Variants in YTHDC2 observed in about 807,000 individuals in gnomAD.
YTHDC2 encodes 3'-5' RNA helicase YTHDC2.
Under a neutral mutation model 174.9 loss-of-function variants are expected in YTHDC2, and 45 were observed. The observed-to-expected ratio is 0.26, with a 90% CI of 0.20 to 0.33. YTHDC2 has a LOEUF of 0.33. YTHDC2 is among the 10% of genes least tolerant of loss of function. The pLI, the probability that YTHDC2 is intolerant of heterozygous loss-of-function variation, is 1.00. For synonymous variants in YTHDC2, 657 were observed against 574.5 expected, an observed-to-expected ratio of 1.14 and a Z score of -2.05; for missense variants, 1,650 against 1,723.7, an observed-to-expected ratio of 0.96 and a Z score of 0.76.
intron 19 of YTHDC2, 23 bp from the exon 20 acceptor site, chr5:113,563,836 C>T: frequency 6.2e-7 from 1 of 1,612,998 alleles, no homozygotes; most frequent in Non-Finnish European, 8.5e-7. Context: ...ACATCAAAGT[C>T]TGTTCTGTCT....
intron 4 of YTHDC2, among the ~76,000 whole-genome samples, chr5:113,527,822 T>TCA (rs1359395166): frequency 2.6e-5 from 4 of 152,160 alleles, no homozygotes; most frequent in Non-Finnish European, 5.9e-5. Flanking sequence ...CAAGTCTCTG[T>TCA]CTGTCACCCA....
intron 23 of YTHDC2, among the ~76,000 whole-genome samples, chr5:113,572,286 AAT>A (rs1777775363): frequency 6.6e-6 from 1 of 152,216 alleles, no homozygotes; most frequent in South Asian, 2.1e-4. Flanking sequence ...GTATTGAGTG[AAT>A]GTCTTAGTCT....
At chr5:113,562,005 G>A (rs1212140492) in intron 18 of YTHDC2, among the ~76,000 whole-genome samples, 1 of 98,966 alleles carries the variant, frequency 1.0e-5, no homozygotes, top group Admixed American at 1.2e-4. Flanking sequence ...TGTGTTTTAA[G>A]TTTTCTAACT....
chr5:113,577,921 C>A (rs531793916), intron 23 of YTHDC2, among the ~76,000 whole-genome samples: 2 of 151,824 alleles, frequency 1.3e-5, no homozygotes, highest in Non-Finnish European at 2.9e-5. Context: ...TTTTATGTAC[C>A]TTGTTACTTT....
In YTHDC2 at chr5:113,594,654, G is replaced by A. The variant is rs2112837268; in HGVS notation, c.*1180G>A. 6.6e-6 allele frequency: 1 copy of A among 152,132 alleles called. No homozygotes were observed. Among genetic ancestry groups the A allele is most frequent in the African/African-American group, 2.4e-5 (1 of 41,512 alleles). 9.4% of individuals were successfully genotyped at this position (152,132 alleles called of 1,614,324 possible). A position where few individuals can be genotyped will look rare whatever the true frequency, so the allele number is the denominator to read the frequency against. ...AGAGACTTTTTGAAGGGAAAATAGA[G>A]CAACAGGGAAAAATGAAAGAAATGT... On this transcript the variant is annotated 3_prime_UTR_variant, in exon 30 of 30. Coordinates refer to ENST00000161863, the MANE Select transcript of YTHDC2 (RefSeq NM_022828.5).
intron 10 of YTHDC2, among the ~76,000 whole-genome samples, chr5:113,546,234 T>C (rs542274836): frequency 6.6e-6 from 1 of 152,218 alleles, no homozygotes; most frequent in Non-Finnish European, 1.5e-5. Flanking sequence ...GCATTTTAAG[T>C]ATTTAAGTAT....
chr5:113,524,821 A>G (rs913982586), intron 2 of YTHDC2, among the ~76,000 whole-genome samples, 160 bp from the exon 3 acceptor site: 2 of 152,104 alleles, frequency 1.3e-5, no homozygotes, highest in African/African-American at 4.8e-5. Flanking sequence ...TTTAGCCCAA[A>G]TCTTTCTTTA....
chr5:113,538,720 C>A (rs1026536388), intron 7 of YTHDC2, among the ~76,000 whole-genome samples: 2 of 152,100 alleles, frequency 1.3e-5, no homozygotes, highest in Non-Finnish European at 2.9e-5. Flanking sequence ...TATTTACCTT[C>A]ATATTCTGGA....
intron 10 of YTHDC2, 23 bp from the exon 11 acceptor site, chr5:113,548,518 T>C: frequency 6.4e-7 from 1 of 1,571,392 alleles, no homozygotes; most frequent in Non-Finnish European, 8.6e-7. Flanking sequence ...ATTTAAGTTT[T>C]ATTTATCTTT....
intron 20 of YTHDC2, among the ~76,000 whole-genome samples, chr5:113,564,429 G>A (rs1156880765): frequency 6.6e-6 from 1 of 152,004 alleles, no homozygotes; most frequent in Non-Finnish European, 1.5e-5. Context: ...CTTGGGCAAG[G>A]AATGTTCTAA....
chr5:113,525,815 A>G (rs926268551), intron 3 of YTHDC2, among the ~76,000 whole-genome samples: 1 of 152,174 alleles, frequency 6.6e-6, no homozygotes, highest in African/African-American at 2.4e-5. Context: ...TATAGTGATA[A>G]AATTTACATA....
Position 113,581,546 on chromosome 5 carries a change from A to C in YTHDC2, c.3484A>C (p.Thr1162Pro). ...AAGAGCAATTATAGCTGTTTTAAGCACTGAAGAACAGTCTGCAGGTTTACA... is the reference window on the plus strand; with the variant it reads ...AAGAGCAATTATAGCTGTTTTAAGCCCTGAAGAACAGTCTGCAGGTTTACA... ...TIRAIIAVLS[T>P]EEQSAGLQQP... Residue 1162 changes from threonine (T) to proline (P), a missense_variant, in exon 25 of 30, where the codon ACT (threonine) becomes CCT (proline). By Grantham distance (38) the Thr-to-Pro change is conservative (BLOSUM62 -1). Around this residue, in one of 5 missense-constraint regions of YTHDC2, gnomAD observed 913 missense variants for 940.4 expected, o/e 0.97. Coordinates refer to ENST00000161863, the MANE Select transcript of YTHDC2 (RefSeq NM_022828.5). 6.2e-7 allele frequency: 1 copy of C among 1,614,012 alleles called. No individual in the cohort carries two copies. Among genetic ancestry groups the C allele is most frequent in the East Asian group, 2.2e-5 (1 of 44,852 alleles).
intron 26 of YTHDC2, among the ~76,000 whole-genome samples, chr5:113,589,947 T>G (rs897476930): frequency 6.6e-6 from 1 of 152,196 alleles, no homozygotes; most frequent in Non-Finnish European, 1.5e-5. Flanking sequence ...TGTTATCCAG[T>G]GCTTTGTCTG....
chr5:113,513,931 G>C lies in YTHDC2; in HGVS notation c.36G>C (p.Pro12=). 1 of 1,605,604 alleles carries C rather than the reference G, an allele frequency of 6.2e-7. No homozygotes were observed. Among genetic ancestry groups the C allele is most frequent in the Non-Finnish European group, 8.5e-7 (1 of 1,176,668 alleles). Reference sequence around the variant, plus strand: ...CGAGCAGCGTCTCCCCGCGGCAGCCGGCTCCTGGCGGTGGCGGAGGCGGCG... The same window carrying C: ...CGAGCAGCGTCTCCCCGCGGCAGCCCGCTCCTGGCGGTGGCGGAGGCGGCG... ...SRPSSVSPRQ[P]APGGGGGGGP... Residue 12 remains proline, a synonymous_variant, in exon 1 of 30, where the codon CCG becomes CCC. Transcript: ENST00000161863.
At position 113,561,354 on chromosome 5, in the gene YTHDC2, AAATTT is replaced by A. The variant is rs1450387819; in HGVS notation, c.2322+174_2322+178del. On this transcript the variant is annotated intron_variant, in intron 18 of 29. Coordinates refer to ENST00000161863, the MANE Select transcript of YTHDC2 (RefSeq NM_022828.5). ...TAACAAATATTTTTTCTATATAAGA[AAATTT>A]AATTCATAAACCATCAAAATTTTAA... Among the ~76,000 whole-genome samples, 42 of 152,178 alleles carry A rather than the reference AAATTT, an allele frequency of 2.8e-4. 1 individual carries two copies. Among genetic ancestry groups the A allele is most frequent in the African/African-American group, 9.6e-4 (40 of 41,536 alleles).
Position 113,581,540 on chromosome 5 carries a change from T to G in YTHDC2, c.3478T>G (p.Leu1160Val), listed in dbSNP as rs1245271291. 2.5e-6 allele frequency: 4 copies of G among 1,614,044 alleles called. No homozygotes were observed. The highest frequency in any genetic ancestry group is 2.5e-6 in the Non-Finnish European group (3 of 1,179,904). ...TACCATAAGAGCAATTATAGCTGTT[T>G]TAAGCACTGAAGAACAGTCTGCAGG... ...EATIRAIIAV[L>V]STEEQSAGLQ... Residue 1160 changes from leucine (L) to valine (V), a missense_variant, in exon 25 of 30, where the codon TTA becomes GTA. By Grantham distance (32) the Leu-to-Val change is conservative. Coordinates refer to ENST00000161863, the MANE Select transcript of YTHDC2 (RefSeq NM_022828.5).
chr5:113,575,439 G>C (rs1189160756), intron 23 of YTHDC2, among the ~76,000 whole-genome samples: 1 of 152,104 alleles, frequency 6.6e-6, no homozygotes, highest in Non-Finnish European at 1.5e-5. Flanking sequence ...TCGCCTTAGG[G>C]GTGACCTACT....
intron 26 of YTHDC2, among the ~76,000 whole-genome samples, chr5:113,589,408 A>AAAAAAAATAT (rs368975720): frequency 8.1e-6 from 1 of 123,262 alleles, no homozygotes; most frequent in African/African-American, 3.4e-5. Flanking sequence ...AAAAAAAAAA[A>AAAAAAAATAT]ATATATATAT....
chr5:113,561,414 C>T (rs1776955705), intron 18 of YTHDC2, among the ~76,000 whole-genome samples: 1 of 150,876 alleles, frequency 6.6e-6, no homozygotes, highest in Non-Finnish European at 1.5e-5. Flanking sequence ...AATTATGGTA[C>T]AGTTTTAAAG....
Sources: gnomAD v4.1 joint callset for allele counts (sites outside exome capture counted in the v4.1 genomes callset) on GRCh38, gnomAD v4.1.1 for gene constraint, gnomAD v4.1.1 regional missense constraint, MANE v1.5 for transcripts, NCBI Gene and HGNC (gene_info 2026-07-23, HGNC 2026-07-21) for gene names.